DCST1: variants seen among roughly 807,000 people sequenced by gnomAD.
The protein encoded by DCST1 is E3 ubiquitin-protein ligase DCST1.
Under a neutral mutation model 89.1 loss-of-function variants are expected in DCST1, and 78 were observed. The observed-to-expected ratio is 0.88, with a 90% CI of 0.73 to 1.06. The LOEUF is 1.06. DCST1 is among the 50% of genes least tolerant of loss of function. DCST1 has a pLI of 0.00. For synonymous variants in DCST1, 364 were observed against 371.9 expected, an observed-to-expected ratio of 0.98 and a Z score of 0.24; for missense variants, 900 against 928.6, an observed-to-expected ratio of 0.97 and a Z score of 0.40.
At chr1:155,042,701 G>T in intron 8 of DCST1, 34 bp from the exon 9 acceptor site, 1 of 1,613,302 alleles carries the variant, frequency 6.2e-7, no homozygotes, top group East Asian at 2.2e-5. Flanking sequence ...GGACAGGCCC[G>T]GGGAGGCCCC....
intron 9 of DCST1, 82 bp from the exon 10 acceptor site, chr1:155,043,270 G>A (rs1660489724): frequency 6.2e-7 from 1 of 1,601,642 alleles, no homozygotes; most frequent in South Asian, 1.1e-5. Context: ...GTGGGGTACT[G>A]GGGAACAGAT....
chr1:155,042,548 G>C (rs148379928), intron 8 of DCST1, among the ~76,000 whole-genome samples, 187 bp from the exon 9 acceptor site: 1 of 152,364 alleles, frequency 6.6e-6, no homozygotes, highest in Admixed American at 6.5e-5. Flanking sequence ...GGGAACTCAG[G>C]TCTGGTTCCT....
chr1:155,050,733 G>T lies in DCST1; in HGVS notation c.1986G>T (p.Thr662=). Residue 662 remains threonine (T), a synonymous_variant, in exon 17 of 17, where the codon ACG becomes ACT. Coordinates refer to ENST00000295542, the MANE Select transcript of DCST1 (RefSeq NM_152494.4). ...PETPESYVCR[T]LDCEAVYCWS... ...CGCCCGAGTCCTACGTGTGCCGGACGCTGGACTGCGAGGCCGTGTACTGCT... is the reference window on the plus strand; with the variant it reads ...CGCCCGAGTCCTACGTGTGCCGGACTCTGGACTGCGAGGCCGTGTACTGCT... 6.2e-7 allele frequency: 1 copy of T among 1,610,430 alleles called. No individual in the cohort carries two copies. The highest frequency in any genetic ancestry group is 2.2e-5 in the East Asian group (1 of 44,708).
intron 14 of DCST1, 127 bp downstream of exon 14, chr1:155,047,439 C>G (rs1020295261): frequency 1.2e-6 from 1 of 831,318 alleles, no homozygotes; most frequent in East Asian, 2.5e-5. Context: ...AGCGCTTGAG[C>G]TGGGGAAATC....
rs577731104 is a variant in DCST1 at position 155,043,280 on chromosome 1, T to A, written c.1015-72T>A. 2.1e-5 allele frequency: 33 copies of A among 1,608,080 alleles called. No homozygotes were observed. The South Asian group carries it at 3.3e-4, about 16-fold the overall frequency. On this transcript the variant is annotated intron_variant, in intron 9 of 16. Transcript: ENST00000295542. ...CACAAGTGGGGTACTGGGGAACAGA[T>A]GTCATGAAGAGGTGGGACCCAGGTC...
Position 155,034,572 on chromosome 1 carries a change from A to C in DCST1, c.187+12A>C. ...GCTCCTGGCCATAGGTGAGTGTGGA[A>C]GCAGAAAGTTCGGGGTGGGCAGAGG... On this transcript the variant is annotated intron_variant, in intron 3 of 16. Transcript: ENST00000295542. 6.2e-7 allele frequency: 1 copy of C among 1,613,960 alleles called. No homozygotes were observed. Among genetic ancestry groups the C allele is most frequent in the Non-Finnish European group, 8.5e-7 (1 of 1,180,016 alleles).
chr1:155,049,494 A>G (rs1329268726), intron 16 of DCST1, among the ~76,000 whole-genome samples: 2 of 151,172 alleles, frequency 1.3e-5, no homozygotes, highest in African/African-American at 4.9e-5. Flanking sequence ...GGCTCACTGC[A>G]ACCTCCACCT....
chr1:155,040,533 T>G lies in DCST1; in HGVS notation c.440T>G (p.Leu147Arg). The change falls in exon 6 of 17, where the codon CTG (leucine) becomes CGG (arginine). Residue 147 changes from leucine to arginine, a missense_variant. Physicochemically the swap from Leu to Arg is moderately radical, Grantham distance 102 (BLOSUM62 -2). Coordinates refer to ENST00000295542, the MANE Select transcript of DCST1 (RefSeq NM_152494.4). ...AATCTCAACAACGTGATCGCATCGC[T>G]GGGCTGCACCGTGGAGCTGCAGATC... ...RHNLNNVIAS[L>R]GCTVELQINN... 1 of 1,594,912 alleles carries G rather than the reference T, an allele frequency of 6.3e-7. No homozygotes were observed. The highest frequency in any genetic ancestry group is 8.5e-7 in the Non-Finnish European group (1 of 1,169,856).
intron 16 of DCST1, 179 bp from the exon 17 acceptor site, chr1:155,050,438 T>G (rs1011037061): frequency 1.3e-6 from 1 of 741,082 alleles, no homozygotes; most frequent in East Asian, 2.8e-5. Context: ...CCTCCCATTC[T>G]CCATCACAGA....
intron 8 of DCST1, 54 bp downstream of exon 8, chr1:155,041,911 G>A: frequency 1.2e-6 from 2 of 1,604,644 alleles, no homozygotes; most frequent in Non-Finnish European, 1.7e-6. Context: ...CTGAGTCCTT[G>A]GGACCCACTG....
chr1:155,045,720 G>A (rs1237017301), intron 10 of DCST1, 173 bp from the exon 11 acceptor site: 3 of 623,126 alleles, frequency 4.8e-6, no homozygotes, highest in Non-Finnish European at 8.7e-6. Flanking sequence ...TGGAAGGCAG[G>A]GACAGAGTCT....
intron 4 of DCST1, among the ~76,000 whole-genome samples, chr1:155,035,923 G>C (rs987287149): frequency 1.3e-5 from 2 of 151,552 alleles, no homozygotes; most frequent in Admixed American, 6.6e-5. Flanking sequence ...AGAGCGAAAG[G>C]CCATCTCAAA....
Position 155,048,184 on chromosome 1 carries a change from T to TA in DCST1, c.1869+16dup. ...CAGAAGGCTCCGGTAAGTCCAGGCG[T>TA]AAGTGCTGCTGCCAGCTCCTGGCTG... On this transcript the variant is annotated intron_variant, in intron 16 of 16. Transcript: ENST00000295542. The TA allele has an allele frequency of 6.2e-7, 1 of 1,609,076 alleles. No individual in the cohort carries two copies.
rs1660403466 is a variant in DCST1, at chr1:155,040,357, T to C, written c.392-128T>C. 3 of 1,003,790 alleles carry C rather than the reference T, an allele frequency of 3.0e-6. No individual in the cohort carries two copies. The Admixed American group carries it at 1.2e-4, about 39-fold the overall frequency. The allele number at this position is 1,003,790 out of a possible 1,614,324, so 62.2% of individuals were successfully genotyped here. On this transcript the variant is annotated intron_variant, in intron 5 of 16. Coordinates refer to ENST00000295542, the MANE Select transcript of DCST1 (RefSeq NM_152494.4). Reference sequence around the variant, plus strand: ...AATCAAAGGTTGAACAAGTTGACCTTTCATAGGCTCTCGGCCCCACCACTG... The same window carrying C: ...AATCAAAGGTTGAACAAGTTGACCTCTCATAGGCTCTCGGCCCCACCACTG...
chr1:155,049,913 A>G (rs1434742259), intron 16 of DCST1, among the ~76,000 whole-genome samples: 1 of 152,264 alleles, frequency 6.6e-6, no homozygotes, highest in East Asian at 1.9e-4. Flanking sequence ...GACTCAGTCC[A>G]CAGGGAATGC....
chr1:155,034,388 T>A lies in DCST1; in HGVS notation c.62-47T>A, dbSNP rs1660201619. 1.9e-6 allele frequency: 3 copies of A among 1,613,152 alleles called. No homozygotes were observed. In the South Asian group the frequency reaches 3.3e-5, roughly 18 times the overall value. On this transcript the variant is annotated intron_variant, in intron 2 of 16. Coordinates refer to ENST00000295542, the MANE Select transcript of DCST1 (RefSeq NM_152494.4). ...AAGCCCTGAATCCTAATGAGCCCCA[T>A]CCCAGGCAGAAGAGTGGGCTGTTGA...
intron 9 of DCST1, 118 bp downstream of exon 9, chr1:155,042,974 A>C: frequency 7.4e-6 from 7 of 947,686 alleles, no homozygotes; most frequent in Non-Finnish European, 9.8e-6. Context: ...ACCAGGGGTG[A>C]GGGAGGGGGA....
In DCST1 at chr1:155,042,889, A is replaced by T. The variant is rs765161001; in HGVS notation, c.1014+33A>T. The T allele has an allele frequency of 6.2e-6, 10 of 1,606,894 alleles. No homozygotes were observed. The Middle Eastern group carries it at 1.0e-3, about 160-fold the overall frequency. On this transcript the variant is annotated intron_variant, in intron 9 of 16. Coordinates refer to ENST00000295542, the MANE Select transcript of DCST1 (RefSeq NM_152494.4). The stretch of plus-strand genomic sequence containing the variant: ...GCAAGGGCGAGGGTTGGTGGGGGGT[A>T]GATAGGGAGTGGGAGGAGGGCATGA...
At chr1:155,050,442 TCA>T (rs2102370220) in intron 16 of DCST1, 173 bp from the exon 17 acceptor site, 1 of 778,082 alleles carries the variant, frequency 1.3e-6, no homozygotes, top group East Asian at 2.8e-5. Flanking sequence ...CCATTCTCCA[TCA>T]CAGAGTTGGG....
Sources: allele counts gnomAD v4.1 joint callset (sites outside exome capture counted in the v4.1 genomes callset), GRCh38; gene constraint gnomAD v4.1.1; transcripts MANE v1.5; gene names NCBI Gene and HGNC (gene_info 2026-07-23, HGNC 2026-07-21).